Variants in PLCXD3 observed in about 807,000 individuals in gnomAD.
The protein encoded by PLCXD3 is PI-PLC X domain-containing protein 3.
PLCXD3 carries 19 observed loss-of-function variants against 25.5 expected under a neutral mutation model. That is an observed-to-expected ratio of 0.75 (90% confidence interval 0.52 to 1.09). The LOEUF (loss-of-function observed/expected upper bound fraction) is 1.09, where lower values mean the gene tolerates loss of function less well. Among genes scored for constraint, PLCXD3 ranks in the 50% least tolerant of loss-of-function variants. The pLI is 0.00. For synonymous variants in PLCXD3, 174 were observed against 137.6 expected, an observed-to-expected ratio of 1.26 and a Z score of -1.85; for missense variants, 411 against 388.1, an observed-to-expected ratio of 1.06 and a Z score of -0.50.
chr5:41,482,363 T>C (rs1055782359), intron 1 of PLCXD3, among the ~76,000 whole-genome samples: 7 of 152,206 alleles, frequency 4.6e-5, no homozygotes, highest in Admixed American at 3.9e-4. Context: ...TGTAGGGCTT[T>C]GTAGTCACGT....
chr5:41,501,201 G>C (rs1748943081), intron 1 of PLCXD3, among the ~76,000 whole-genome samples: 1 of 151,940 alleles, frequency 6.6e-6, no homozygotes, highest in Non-Finnish European at 1.5e-5. Context: ...GTCCCACTTT[G>C]GGGTATTTAT....
intron 2 of PLCXD3, among the ~76,000 whole-genome samples, chr5:41,363,747 T>A (rs1744854393): frequency 6.6e-6 from 1 of 152,372 alleles, no homozygotes; most frequent in Non-Finnish European, 1.5e-5. Flanking sequence ...AAGCAATTTA[T>A]CCTGAAAGGA....
chr5:41,366,497 C>A (rs1744941005), intron 2 of PLCXD3, among the ~76,000 whole-genome samples: 1 of 152,134 alleles, frequency 6.6e-6, no homozygotes, highest in Non-Finnish European at 1.5e-5. Context: ...ACTCTTCTTT[C>A]CTTAATAAGC....
chr5:41,490,424 T>C (rs1191803360), intron 1 of PLCXD3, among the ~76,000 whole-genome samples: 1 of 152,176 alleles, frequency 6.6e-6, no homozygotes, highest in Non-Finnish European at 1.5e-5. Flanking sequence ...TGCCAGGCTT[T>C]GGTATCAGGA....
At chr5:41,486,170 T>A (rs1748513256) in intron 1 of PLCXD3, among the ~76,000 whole-genome samples, 1 of 152,108 alleles carries the variant, frequency 6.6e-6, no homozygotes, top group East Asian at 1.9e-4. Context: ...TAGACTTGGG[T>A]GAGTAGATAT....
intron 2 of PLCXD3, among the ~76,000 whole-genome samples, chr5:41,330,319 T>A (rs181504622): frequency 1.9e-4 from 29 of 152,142 alleles, no homozygotes; most frequent in Middle Eastern, 6.8e-3. Flanking sequence ...TACAAACACC[T>A]CTACGCAAAT....
chr5:41,457,340 C>G (rs1363802061), intron 1 of PLCXD3, among the ~76,000 whole-genome samples: 1 of 151,770 alleles, frequency 6.6e-6, no homozygotes, highest in Non-Finnish European at 1.5e-5. Context: ...ATAAAGGGAG[C>G]TATTTATACA....
At chr5:41,423,278 A>G (rs1030714814) in intron 1 of PLCXD3, among the ~76,000 whole-genome samples, 1 of 152,114 alleles carries the variant, frequency 6.6e-6, no homozygotes, top group Non-Finnish European at 1.5e-5. Flanking sequence ...ACTTTGGTCT[A>G]AATGCTGTGT....
At chr5:41,415,615 T>C (rs1356556937) in intron 1 of PLCXD3, among the ~76,000 whole-genome samples, 1 of 152,206 alleles carries the variant, frequency 6.6e-6, no homozygotes, top group East Asian at 1.9e-4. Flanking sequence ...AGATACTTAG[T>C]TCCATTCTGC....
intron 1 of PLCXD3, among the ~76,000 whole-genome samples, chr5:41,457,006 A>T (rs918601385): frequency 2.0e-5 from 3 of 151,956 alleles, no homozygotes; most frequent in African/African-American, 7.2e-5. Flanking sequence ...TTTTATGAGA[A>T]TACATTAGCA....
intron 1 of PLCXD3, among the ~76,000 whole-genome samples, chr5:41,486,090 G>T (rs1748511222): frequency 1.3e-5 from 2 of 152,122 alleles, no homozygotes; most frequent in Admixed American, 1.3e-4. Context: ...TCTAGGATAT[G>T]AGTACAATCC....
rs148338400 is a variant in PLCXD3, at chr5:41,324,656, G to A, written c.813-10886C>T. On this transcript the variant is annotated intron_variant, in intron 2 of 2. Transcript: ENST00000377801. ...CATTAGAACGACAGATACTGTGACA[G>A]TATGTGTGTAGCCACTCTGGTTGAA... 1.4e-3 allele frequency among the ~76,000 whole-genome samples: 206 copies of A among 152,314 alleles called. 4 individuals carry two copies. The East Asian group carries it at 0.031, about 23-fold the overall frequency.
chr5:41,497,123 C>A (rs1450780644), intron 1 of PLCXD3, among the ~76,000 whole-genome samples: 2 of 148,834 alleles, frequency 1.3e-5, no homozygotes, highest in Admixed American at 6.7e-5. Context: ...TCAATAAACC[C>A]AAATAAAGAT....
chr5:41,454,884 C>G (rs184169310), intron 1 of PLCXD3, among the ~76,000 whole-genome samples: 1 of 152,078 alleles, frequency 6.6e-6, no homozygotes, highest in East Asian at 1.9e-4. Flanking sequence ...AATTGACTCA[C>G]ATTTCAGCAT....
At chr5:41,498,384 A>G (rs1245602148) in intron 1 of PLCXD3, among the ~76,000 whole-genome samples, 1 of 151,206 alleles carries the variant, frequency 6.6e-6, no homozygotes, top group Non-Finnish European at 1.5e-5. Context: ...ATGCTACTAT[A>G]AACAATTATA....
At chr5:41,394,538 A>G (rs1294594950) in intron 1 of PLCXD3, among the ~76,000 whole-genome samples, 2 of 152,188 alleles carry the variant, frequency 1.3e-5, no homozygotes, top group African/African-American at 4.8e-5. Context: ...GAATGGAAAA[A>G]CAAGATCTGT....
chr5:41,446,422 T>A (rs543220616), intron 1 of PLCXD3, among the ~76,000 whole-genome samples: 41 of 152,172 alleles, frequency 2.7e-4, no homozygotes, highest in African/African-American at 9.6e-4. Flanking sequence ...CTAAAACTGA[T>A]TGGGCTGTGA....
chr5:41,453,735 T>C (rs1473369399), intron 1 of PLCXD3, among the ~76,000 whole-genome samples: 2 of 151,974 alleles, frequency 1.3e-5, no homozygotes, highest in African/African-American at 4.8e-5. Context: ...CCTAGGGTTG[T>C]GCAAACTTAG....
At chr5:41,500,220 T>C (rs941250458) in intron 1 of PLCXD3, among the ~76,000 whole-genome samples, 2 of 151,926 alleles carry the variant, frequency 1.3e-5, no homozygotes, top group African/African-American at 2.4e-5. Context: ...GTATACACAA[T>C]AGAATACTAT....
Sources: allele counts gnomAD v4.1 joint callset (sites outside exome capture counted in the v4.1 genomes callset), GRCh38; gene constraint gnomAD v4.1.1; transcripts MANE v1.5; gene names NCBI Gene and HGNC (gene_info 2026-07-23, HGNC 2026-07-21).